The following SLC35F1 variants were observed in gnomAD, a reference collection of about 807,000 sequenced individuals.
SLC35F1 encodes solute carrier family 35 member F1.
A neutral mutation model predicts 48.7 loss-of-function variants in SLC35F1; 14 were observed. The ratio of observed to expected loss-of-function variants is 0.29; its 90% CI spans 0.19 to 0.45. The LOEUF is 0.45. SLC35F1 is among the 20% of genes least tolerant of loss of function. The probability of loss-of-function intolerance (pLI) is 1.00; values close to 1 mark genes in which losing one functional copy is unlikely to be tolerated. For synonymous variants in SLC35F1, 190 were observed against 202.2 expected, an observed-to-expected ratio of 0.94 and a Z score of 0.51; for missense variants, 404 against 500.0, an observed-to-expected ratio of 0.81 and a Z score of 1.83.
chr6:118,229,704 T>A (rs1170093781), intron 2 of SLC35F1, among the ~76,000 whole-genome samples: 2 of 152,352 alleles, frequency 1.3e-5, no homozygotes, highest in East Asian at 3.9e-4. Context: ...GTGGAGTTAG[T>A]AGTAGCATCT....
intron 1 of SLC35F1, among the ~76,000 whole-genome samples, chr6:117,976,005 A>G (rs896578800): frequency 3.9e-5 from 6 of 152,224 alleles, no homozygotes; most frequent in Admixed American, 6.5e-5. Context: ...GTTGCCTCTC[A>G]TGAATTTTAA....
intron 1 of SLC35F1, among the ~76,000 whole-genome samples, chr6:117,927,506 A>C (rs1387773501): frequency 3.3e-5 from 5 of 152,192 alleles, no homozygotes; most frequent in African/African-American, 1.2e-4. Flanking sequence ...CTCACAGGGC[A>C]GGGAGAGAAG....
At chr6:118,022,452 G>T (rs528973051) in intron 1 of SLC35F1, among the ~76,000 whole-genome samples, 7 of 152,258 alleles carry the variant, frequency 4.6e-5, no homozygotes, top group African/African-American at 1.7e-4. Context: ...GGAGCAAAGT[G>T]ATGACATTGA....
intron 6 of SLC35F1, among the ~76,000 whole-genome samples, chr6:118,278,076 G>A (rs1252395549): frequency 2.6e-5 from 4 of 152,154 alleles, no homozygotes; most frequent in African/African-American, 4.8e-5. Context: ...TACCAGACAC[G>A]CTTTGAGCTA....
At chr6:118,228,238 G>A (rs918007056) in intron 2 of SLC35F1, among the ~76,000 whole-genome samples, 2 of 151,948 alleles carry the variant, frequency 1.3e-5, no homozygotes, top group Admixed American at 6.6e-5. Flanking sequence ...GATTGCAATC[G>A]TTCTCATGAA....
intron 1 of SLC35F1, among the ~76,000 whole-genome samples, chr6:117,911,159 A>C (rs1280276470): frequency 6.6e-6 from 1 of 152,182 alleles, no homozygotes; most frequent in Non-Finnish European, 1.5e-5. Context: ...ATTATATTCA[A>C]GACTTGGTGA....
chr6:118,173,251 A>G (rs1054302648), intron 2 of SLC35F1, among the ~76,000 whole-genome samples: 1 of 152,126 alleles, frequency 6.6e-6, no homozygotes, highest in Non-Finnish European at 1.5e-5. Flanking sequence ...TGAACCCAAC[A>G]GAAAGCTAAG....
intron 1 of SLC35F1, among the ~76,000 whole-genome samples, chr6:117,952,223 T>C (rs1776371349): frequency 6.6e-6 from 1 of 151,956 alleles, no homozygotes; most frequent in Admixed American, 6.6e-5. Flanking sequence ...GAGGAGACAG[T>C]GTAAGTCTGA....
chr6:118,065,464 A>C (rs1772598883), intron 1 of SLC35F1, among the ~76,000 whole-genome samples: 1 of 152,178 alleles, frequency 6.6e-6, no homozygotes, highest in Non-Finnish European at 1.5e-5. Context: ...AAACTGTAAA[A>C]ATTTGAGGTG....
intron 1 of SLC35F1, among the ~76,000 whole-genome samples, chr6:118,152,441 C>G (rs1391355597): frequency 6.6e-6 from 1 of 152,158 alleles, no homozygotes; most frequent in East Asian, 1.9e-4. Context: ...TGTATTATTT[C>G]TTACAGTTCT....
chr6:118,273,007 G>C, intron 4 of SLC35F1, among the ~76,000 whole-genome samples: 1 of 148,560 alleles, frequency 6.7e-6, no homozygotes, highest in East Asian at 1.9e-4. Context: ...TATATGTATA[G>C]GTACCTACTT....
chr6:118,024,960 G>C (rs1777443748), intron 1 of SLC35F1, among the ~76,000 whole-genome samples: 1 of 152,070 alleles, frequency 6.6e-6, no homozygotes, highest in East Asian at 1.9e-4. Context: ...ATTTTAGATA[G>C]ATTTGGCTTT....
At chr6:118,287,549 A>C (rs1776066008) in intron 7 of SLC35F1, among the ~76,000 whole-genome samples, 1 of 152,170 alleles carries the variant, frequency 6.6e-6, no homozygotes, top group Admixed American at 6.5e-5. Flanking sequence ...GTGCTTGATA[A>C]AAATGCAGAT....
At chr6:117,916,712 A>C (rs1458257370) in intron 1 of SLC35F1, among the ~76,000 whole-genome samples, 1 of 152,228 alleles carries the variant, frequency 6.6e-6, no homozygotes, top group Non-Finnish European at 1.5e-5. Context: ...GTGGGGAGTA[A>C]GACTTTTCAG....
chr6:118,271,518 A>G (rs1775852004), intron 4 of SLC35F1, among the ~76,000 whole-genome samples: 1 of 152,204 alleles, frequency 6.6e-6, no homozygotes, highest in African/African-American at 2.4e-5. Context: ...TGAGAGGCAG[A>G]TGTATTCAAT....
chr6:117,984,323 C>A (rs532401749), intron 1 of SLC35F1, among the ~76,000 whole-genome samples: 2 of 152,024 alleles, frequency 1.3e-5, no homozygotes, highest in South Asian at 2.1e-4. Flanking sequence ...CGCAGTGAAA[C>A]CCTGTCTCTA....
chr6:118,113,541 C>T (rs569312195), intron 1 of SLC35F1, among the ~76,000 whole-genome samples: 57 of 152,204 alleles, frequency 3.7e-4, no homozygotes, highest in African/African-American at 1.3e-3. Flanking sequence ...TGCTGTGAAC[C>T]TCAAACTATT....
At chr6:117,923,710 C>CACATGT (rs1562238876) in intron 1 of SLC35F1, among the ~76,000 whole-genome samples, 1 of 22,562 alleles carries the variant, frequency 4.4e-5, no homozygotes, top group Non-Finnish European at 7.4e-5. Context: ...CATATATGTA[C>CACATGT]ATATATACAT....
At chr6:118,298,642 C>T (rs1271045284) in intron 7 of SLC35F1, among the ~76,000 whole-genome samples, 2 of 152,212 alleles carry the variant, frequency 1.3e-5, no homozygotes, top group Non-Finnish European at 2.9e-5. Flanking sequence ...TTCTGTTAAT[C>T]TCCAGAGTCA....
Sources: gnomAD v4.1 joint callset for allele counts (sites outside exome capture counted in the v4.1 genomes callset) on GRCh38, gnomAD v4.1.1 for gene constraint, MANE v1.5 for transcripts, NCBI Gene and HGNC (gene_info 2026-07-23, HGNC 2026-07-21) for gene names.